The following RWDD3 variants were observed in gnomAD, a reference collection of about 807,000 sequenced individuals.
RWDD3 encodes RWD domain containing 3, also known as RWD domain-containing protein 3.
A neutral mutation model predicts 26.5 loss-of-function variants in RWDD3; 30 were observed. The observed-to-expected ratio is 1.13, with a 90% CI of 0.85 to 1.54. The LOEUF is 1.54. Ranked by LOEUF, RWDD3 falls within the 40% of genes most tolerant of loss-of-function variation. The pLI, the probability that RWDD3 is intolerant of heterozygous loss-of-function variation, is 0.00. For synonymous variants in RWDD3, 113 were observed against 114.5 expected (o/e 0.99, Z 0.09); for missense variants, 296 against 309.1 (o/e 0.96, Z 0.32).
rs758925468 is a variant in RWDD3 at position 95,244,194 on chromosome 1, T to G, written c.86-17T>G. On this transcript the variant is annotated splice_polypyrimidine_tract_variant and intron_variant, in intron 1 of 3. Coordinates refer to ENST00000370202, the MANE Select transcript of RWDD3 (RefSeq NM_015485.5). Reference sequence around the variant, plus strand: ...TGAATAATGTACAGCTAATGATTATTTTTGGATGCCTTCCAGAGACAGATG... The same window carrying G: ...TGAATAATGTACAGCTAATGATTATGTTTGGATGCCTTCCAGAGACAGATG... The G allele has an allele frequency of 6.2e-7, 1 of 1,607,912 alleles. No homozygotes were observed. Among genetic ancestry groups the G allele is most frequent in the Admixed American group, 1.7e-5 (1 of 59,718 alleles).
chr1:95,244,970 G>C, intron 2 of RWDD3: 1 of 364,852 alleles, frequency 2.7e-6, no homozygotes, highest in Non-Finnish European at 4.9e-6. Flanking sequence ...TGTGGCACAT[G>C]AGTGTTTGTT....
intron 1 of RWDD3, among the ~76,000 whole-genome samples, chr1:95,235,244 G>T (rs1180376912): frequency 6.7e-6 from 1 of 149,230 alleles, no homozygotes; most frequent in East Asian, 2.0e-4. Context: ...AGTAGAGACA[G>T]GGTTTCACCG....
Position 95,244,624 on chromosome 1 carries a change from A to G in RWDD3, c.499A>G (p.Arg167Gly), listed in dbSNP as rs200740957. The G allele has an allele frequency of 3.0e-5, 49 of 1,614,096 alleles. No homozygotes were observed. Among genetic ancestry groups the G allele is most frequent in the Non-Finnish European group, 2.8e-5 (33 of 1,180,048 alleles). The change falls in exon 2 of 4, where the codon AGG becomes GGG. Residue 167 changes from arginine to glycine, a missense_variant. Physicochemically the swap from Arg to Gly is moderately radical, Grantham distance 125. Transcript: ENST00000370202. ...TGTGGAGAAGTGGGCTTCAGATTTA[A>G]GGCTGACAGGAAGACTGATGTTCAT... ...KIVEKWASDL[R>G]LTGRLMFMGK...
In RWDD3 at chr1:95,244,341, T is replaced by C. The variant is rs748084297; in HGVS notation, c.216T>C (p.Ser72=). ...PSCLPGISIN[S]EQLTRAQCVT... ...GTCTACCTGGTATCTCGATTAACTC[T>C]GAACAGTTGACCAGGGCCCAGTGTG... is the stretch of plus-strand genomic sequence containing the variant. Residue 72 remains serine, a synonymous_variant, in exon 2 of 4, where the codon TCT becomes TCC. Transcript: ENST00000370202. 2 of 1,614,218 alleles carry C rather than the reference T, an allele frequency of 1.2e-6. No individual in the cohort carries two copies. Among genetic ancestry groups the C allele is most frequent in the Non-Finnish European group, 8.5e-7 (1 of 1,180,050 alleles).
chr1:95,235,667 C>CT (rs35712439), intron 1 of RWDD3, among the ~76,000 whole-genome samples: 9,617 of 151,846 alleles, frequency 0.063, 380 homozygotes, highest in Non-Finnish European at 0.086. Flanking sequence ...CCTTCTGATA[C>CT]TTTTTTTTAA....
rs538772336 is a variant in RWDD3 at position 95,242,455 on chromosome 1, C to T, written c.86-1756C>T. Among the ~76,000 whole-genome samples, 109 of 152,240 alleles carry T rather than the reference C, an allele frequency of 7.2e-4. 1 individual carries two copies. Among genetic ancestry groups the T allele is most frequent in the African/African-American group, 2.5e-3 (102 of 41,544 alleles). Reference sequence around the variant, plus strand: ...ATTGAAGATCTTTAAAAGTTCTCCTCCTTCTTGAAGAGAGAATGTCAACTC... The same window carrying T: ...ATTGAAGATCTTTAAAAGTTCTCCTTCTTCTTGAAGAGAGAATGTCAACTC... On this transcript the variant is annotated intron_variant, in intron 1 of 3. Transcript: ENST00000370202.
intron 1 of RWDD3, among the ~76,000 whole-genome samples, chr1:95,234,544 C>T (rs1680199408): frequency 1.3e-5 from 2 of 152,094 alleles, no homozygotes; most frequent in South Asian, 2.1e-4. Flanking sequence ...ACTGGGGCCT[C>T]TGCCGCCGGT....
At chr1:95,242,812 G>T (rs762545254) in intron 1 of RWDD3, among the ~76,000 whole-genome samples, 1 of 151,968 alleles carries the variant, frequency 6.6e-6, no homozygotes, top group African/African-American at 2.4e-5. Context: ...CCAGCTACTC[G>T]GGAGGCTGAG....
rs1484531241 is a variant in RWDD3 at position 95,239,893 on chromosome 1, G to C, written c.86-4318G>C. 3 of 1,289,688 alleles carry C rather than the reference G, an allele frequency of 2.3e-6. No homozygotes were observed. In the East Asian group the frequency reaches 1.7e-4, roughly 72 times the overall value. The allele number at this position is 1,289,688 out of a possible 1,614,324, so 79.9% of individuals were successfully genotyped here. A position where few individuals can be genotyped will look rare whatever the true frequency, so the allele number is the denominator to read the frequency against. ...ACATGTTTCTTTCCTGTGGTTCCCT[G>C]CACCAGAGAGGACCCGGTAGGTGTT... On this transcript the variant is annotated intron_variant, in intron 1 of 3. Transcript: ENST00000370202.
At chr1:95,245,992 T>C (rs2101126416) in intron 2 of RWDD3, 1 of 152,296 alleles carries the variant, frequency 6.6e-6, no homozygotes, top group Non-Finnish European at 1.5e-5. Context: ...CTCTTATATT[T>C]TTATAAGATT....
At chr1:95,242,654 C>G (rs1370468536) in intron 1 of RWDD3, among the ~76,000 whole-genome samples, 1 of 152,248 alleles carries the variant, frequency 6.6e-6, no homozygotes, top group East Asian at 1.9e-4. Flanking sequence ...TGCGGTGGCT[C>G]ATGCCTGTAA....
intron 2 of RWDD3, 158 bp downstream of exon 2, chr1:95,244,856 A>C (rs1366779268): frequency 3.7e-6 from 3 of 814,882 alleles, no homozygotes; most frequent in Non-Finnish European, 5.5e-6. Context: ...TTTTTAAAGA[A>C]TGTCTGACTG....
At chr1:95,241,422 G>A (rs767969155) in intron 1 of RWDD3, among the ~76,000 whole-genome samples, 7 of 152,170 alleles carry the variant, frequency 4.6e-5, no homozygotes, top group Non-Finnish European at 8.8e-5. Context: ...TGTTATAGCT[G>A]AGGGGCAGTG....
chr1:95,239,838 G>C, intron 1 of RWDD3: 1 of 1,289,734 alleles, frequency 7.8e-7, no homozygotes, highest in Non-Finnish European at 1.0e-6. Context: ...TGGCTCAGTA[G>C]CTTTTCAAGA....
intron 1 of RWDD3, chr1:95,239,735 A>G: frequency 8.2e-7 from 1 of 1,223,170 alleles, no homozygotes; most frequent in Non-Finnish European, 1.0e-6. Flanking sequence ...TCTAAGGTGA[A>G]AGTCAGGAGT....
chr1:95,246,704 T>C (rs753653417), intron 3 of RWDD3, 47 bp downstream of exon 3: 3 of 1,539,366 alleles, frequency 1.9e-6, no homozygotes, highest in Non-Finnish European at 2.7e-6. Flanking sequence ...GAATCGATAA[T>C]TATACTCTGA....
At chr1:95,244,909 G>A (rs1571850482) in intron 2 of RWDD3, 1 of 533,964 alleles carries the variant, frequency 1.9e-6, no homozygotes, top group East Asian at 3.2e-5. Context: ...GAATAAGATT[G>A]CATTTTAAAA....
At chr1:95,234,631 C>T (rs2101085324) in intron 1 of RWDD3, among the ~76,000 whole-genome samples, 1 of 151,666 alleles carries the variant, frequency 6.6e-6, no homozygotes, top group Admixed American at 6.6e-5. Context: ...AGATCTCACC[C>T]TATAAAGAAG....
chr1:95,242,851 G>A lies in RWDD3; in HGVS notation c.86-1360G>A, dbSNP rs561213991. ...GGAGAATTGCTTGAACCTGGCAGGC[G>A]GAGGTTGCAGTGAGCCGAGATCATG... On this transcript the variant is annotated intron_variant, in intron 1 of 3. Coordinates refer to ENST00000370202, the MANE Select transcript of RWDD3 (RefSeq NM_015485.5). 7.2e-5 allele frequency among the ~76,000 whole-genome samples: 11 copies of A among 152,130 alleles called. No individual in the cohort carries two copies. In the South Asian group the frequency reaches 1.5e-3, roughly 20 times the overall value.
Sources: gnomAD v4.1 joint callset for allele counts (sites outside exome capture counted in the v4.1 genomes callset) on GRCh38, gnomAD v4.1.1 for gene constraint, MANE v1.5 for transcripts, NCBI Gene and HGNC (gene_info 2026-07-23, HGNC 2026-07-21) for gene names.